ANKS1B: variants seen among roughly 807,000 people sequenced by gnomAD.
ANKS1B encodes the protein ankyrin repeat and sterile alpha motif domain containing 1B.
Under a neutral mutation model 148.3 loss-of-function variants are expected in ANKS1B, and 36 were observed. The ratio of observed to expected loss-of-function variants is 0.24; its 90% CI spans 0.19 to 0.32. The LOEUF (loss-of-function observed/expected upper bound fraction) is 0.32, where lower values mean the gene tolerates loss of function less well. ANKS1B is among the 10% of genes least tolerant of loss of function. The probability of loss-of-function intolerance (pLI) is 1.00; values close to 1 mark genes in which losing one functional copy is unlikely to be tolerated. For synonymous variants in ANKS1B, 542 were observed against 560.8 expected (o/e 0.97, Z 0.47); for missense variants, 1,157 against 1,542.6 (o/e 0.75, Z 4.19).
At chr12:99,183,857 T>C (rs1311465152) in intron 14 of ANKS1B, among the ~76,000 whole-genome samples, 1 of 152,222 alleles carries the variant, frequency 6.6e-6, no homozygotes. Context: ...TCAGAGCACC[T>C]TGAAGGACTG....
At chr12:98,907,005 C>CTG (rs59857138) in intron 17 of ANKS1B, among the ~76,000 whole-genome samples, 2,436 of 145,692 alleles carry the variant, frequency 0.017, 43 homozygotes, top group African/African-American at 0.049. Context: ...CATAGTTACT[C>CTG]TGTGTGTGTG....
chr12:99,446,115 A>T (rs1429895871), intron 10 of ANKS1B, among the ~76,000 whole-genome samples: 2 of 119,180 alleles, frequency 1.7e-5, no homozygotes, highest in Non-Finnish European at 3.3e-5. Context: ...GAAGCATGAT[A>T]AAAAAAAAAC....
chr12:98,921,488 T>C (rs2099801369), intron 17 of ANKS1B, among the ~76,000 whole-genome samples: 1 of 152,192 alleles, frequency 6.6e-6, no homozygotes, highest in Admixed American at 6.5e-5. Flanking sequence ...CTTATACTAC[T>C]CCTTCAAGCA....
At chr12:99,702,511 T>C (rs1282935482) in intron 8 of ANKS1B, among the ~76,000 whole-genome samples, 1 of 152,086 alleles carries the variant, frequency 6.6e-6, no homozygotes, top group Non-Finnish European at 1.5e-5. Context: ...CTTTGTTGAT[T>C]GCTTACTTTC....
At chr12:99,520,159 C>A (rs1156836707) in intron 9 of ANKS1B, among the ~76,000 whole-genome samples, 1 of 152,110 alleles carries the variant, frequency 6.6e-6, no homozygotes, top group African/African-American at 2.4e-5. Context: ...CTTATTATTG[C>A]CAGTAACTTT....
intron 17 of ANKS1B, among the ~76,000 whole-genome samples, chr12:98,917,617 G>A (rs1422331419): frequency 6.6e-6 from 1 of 152,210 alleles, no homozygotes; most frequent in Non-Finnish European, 1.5e-5. Context: ...TGTATCAGCT[G>A]AAGTGCTGTG....
At chr12:99,793,302 T>C (rs2065882655) in intron 4 of ANKS1B, among the ~76,000 whole-genome samples, 1 of 152,052 alleles carries the variant, frequency 6.6e-6, no homozygotes, top group Non-Finnish European at 1.5e-5. Context: ...CCTATCAACA[T>C]ACCAATGACA....
intron 17 of ANKS1B, among the ~76,000 whole-genome samples, chr12:98,920,228 T>C (rs144444704): frequency 6.6e-6 from 1 of 152,352 alleles, no homozygotes; most frequent in Admixed American, 6.5e-5. Context: ...TTAGATTGTT[T>C]GAAGAAGGCA....
At chr12:99,343,362 C>A (rs928964935) in intron 12 of ANKS1B, among the ~76,000 whole-genome samples, 1 of 152,048 alleles carries the variant, frequency 6.6e-6, no homozygotes, top group Non-Finnish European at 1.5e-5. Flanking sequence ...TTTTTTTACA[C>A]ATATATCTGA....
chr12:99,143,560 C>A (rs997122647), intron 15 of ANKS1B, among the ~76,000 whole-genome samples: 22 of 152,014 alleles, frequency 1.4e-4, no homozygotes, highest in African/African-American at 4.6e-4. Flanking sequence ...GCTCATTACA[C>A]CACAGAAAAA....
intron 2 of ANKS1B, among the ~76,000 whole-genome samples, chr12:99,823,578 T>C (rs1281867359): frequency 2.6e-5 from 4 of 152,204 alleles, no homozygotes; most frequent in African/African-American, 7.2e-5. Flanking sequence ...AGTGCTGGGA[T>C]TACAGGCATG....
At chr12:99,808,595 C>T (rs2067934343) in intron 3 of ANKS1B, among the ~76,000 whole-genome samples, 1 of 152,066 alleles carries the variant, frequency 6.6e-6, no homozygotes, top group African/African-American at 2.4e-5. Context: ...ACAATGATCA[C>T]ATACAGGTTT....
At chr12:98,947,147 T>C (rs1275690203) in intron 17 of ANKS1B, among the ~76,000 whole-genome samples, 2 of 152,082 alleles carry the variant, frequency 1.3e-5, no homozygotes, top group African/African-American at 4.8e-5. Flanking sequence ...GGGAGCCCTG[T>C]GGGTCTTTTA....
intron 1 of ANKS1B, among the ~76,000 whole-genome samples, chr12:99,896,588 G>C (rs369526901): frequency 3.3e-5 from 5 of 150,956 alleles, no homozygotes; most frequent in African/African-American, 1.2e-4. Context: ...AGCCATCTCT[G>C]GTGCAAATTC....
intron 12 of ANKS1B, among the ~76,000 whole-genome samples, chr12:99,306,099 C>T (rs2082304207): frequency 6.6e-6 from 1 of 152,054 alleles, no homozygotes; most frequent in Admixed American, 6.6e-5. Flanking sequence ...ATGGTGGGGG[C>T]AAGGCAGGAA....
intron 9 of ANKS1B, among the ~76,000 whole-genome samples, chr12:99,563,670 A>G (rs913534292): frequency 6.6e-6 from 1 of 152,188 alleles, no homozygotes; most frequent in Non-Finnish European, 1.5e-5. Flanking sequence ...AAAATGGAAC[A>G]CAGAGCAAAT....
At chr12:99,965,454 C>T (rs1051102458) in intron 1 of ANKS1B, among the ~76,000 whole-genome samples, 1 of 152,054 alleles carries the variant, frequency 6.6e-6, no homozygotes, top group Non-Finnish European at 1.5e-5. Flanking sequence ...TACCTCCACA[C>T]AAAATAGTTA....
intron 12 of ANKS1B, among the ~76,000 whole-genome samples, chr12:99,280,172 ATGTG>A (rs376371933): frequency 1.4e-5 from 2 of 146,864 alleles, no homozygotes; most frequent in Non-Finnish European, 3.0e-5. Flanking sequence ...GTGTGTGTGT[ATGTG>A]TGTGTGTGTA....
intron 14 of ANKS1B, among the ~76,000 whole-genome samples, chr12:99,220,156 C>A (rs913122417): frequency 2.6e-5 from 4 of 152,118 alleles, no homozygotes; most frequent in African/African-American, 9.7e-5. Flanking sequence ...CATGCCACCA[C>A]ACCCAGCTAA....
Sources: gnomAD v4.1 joint callset for allele counts (sites outside exome capture counted in the v4.1 genomes callset) on GRCh38, gnomAD v4.1.1 for gene constraint, MANE v1.5 for transcripts, NCBI Gene and HGNC (gene_info 2026-07-23, HGNC 2026-07-21) for gene names.